ZFYVE16: variants seen among roughly 807,000 people sequenced by gnomAD.
ZFYVE16 encodes zinc finger FYVE domain-containing protein 16.
Under a neutral mutation model 138.1 loss-of-function variants are expected in ZFYVE16, and 89 were observed. That is an observed-to-expected ratio of 0.64 (90% CI 0.54 to 0.77). The LOEUF (loss-of-function observed/expected upper bound fraction) is 0.77. ZFYVE16 is among the 30% of genes least tolerant of loss of function. The pLI is 0.00. For missense variants in ZFYVE16, 1,793 were observed against 1,786.7 expected (o/e 1.00, Z -0.06); for synonymous variants, 596 against 618.3 (o/e 0.96, Z 0.53).
At position 80,437,235 on chromosome 5, in the gene ZFYVE16, ACTGT is replaced by A. The variant is rs771486054; in HGVS notation, c.552_555del (p.Val185GlufsTer24). ...TTCTTCAACAGACCATGATAGTGAT[ACTGT>A]CAGAGAACAACAGAATGATATCAGT... On this transcript the variant is annotated frameshift_variant, in exon 4 of 19. Coordinates refer to ENST00000505560, the MANE Select transcript of ZFYVE16 (RefSeq NM_001284236.3). LOFTEE classifies it high-confidence loss of function. 1.2e-6 allele frequency: 2 copies of A among 1,613,976 alleles called. No individual in the cohort carries two copies. Among genetic ancestry groups the A allele is most frequent in the South Asian group, 2.2e-5 (2 of 91,078 alleles).
intron 1 of ZFYVE16, among the ~76,000 whole-genome samples, chr5:80,426,428 G>C (rs1460060628): frequency 1.3e-5 from 2 of 151,762 alleles, no homozygotes; most frequent in East Asian, 3.9e-4. Context: ...TATTTATCCT[G>C]ATGCTCTCCC....
chr5:80,432,760 C>T (rs528977300), intron 2 of ZFYVE16, among the ~76,000 whole-genome samples: 6 of 152,272 alleles, frequency 3.9e-5, no homozygotes, highest in Non-Finnish European at 8.8e-5. Context: ...AAACCAACAA[C>T]CCCATCAACA....
intron 15 of ZFYVE16, among the ~76,000 whole-genome samples, chr5:80,462,572 T>C (rs1753241270): frequency 6.6e-6 from 1 of 152,114 alleles, no homozygotes; most frequent in African/African-American, 2.4e-5. Flanking sequence ...ACACAAAGCC[T>C]AACTATATCA....
chr5:80,443,913 G>A (rs1751007673), intron 6 of ZFYVE16: 1 of 450,984 alleles, frequency 2.2e-6, no homozygotes, highest in East Asian at 7.0e-5. Flanking sequence ...GGGTTTGAGA[G>A]GCAATAGGTA....
rs917676823 is a variant in ZFYVE16, at chr5:80,415,088, A to T, written c.-94+6935A>T. Among the ~76,000 whole-genome samples, 8 of 151,976 alleles carry T rather than the reference A, an allele frequency of 5.3e-5. 1 individual carries two copies. The highest frequency in any genetic ancestry group is 1.7e-4 in the African/African-American group (7 of 41,372). On this transcript the variant is annotated intron_variant, in intron 1 of 18. Transcript: ENST00000505560. The stretch of plus-strand genomic sequence containing the variant: ...TAGAATATTAAACCTCATTAGATTG[A>T]TTCTCTAATTTCTAATATTTTCTCT...
chr5:80,456,824 A>G (rs1752576039), intron 13 of ZFYVE16, 121 bp from the exon 14 acceptor site: 1 of 1,186,388 alleles, frequency 8.4e-7, no homozygotes, highest in East Asian at 2.7e-5. Flanking sequence ...TCACATTCCC[A>G]GGGAGCTGTC....
chr5:80,424,306 C>T (rs753940984), intron 1 of ZFYVE16, among the ~76,000 whole-genome samples: 7 of 152,114 alleles, frequency 4.6e-5, no homozygotes, highest in African/African-American at 7.2e-5. Context: ...AAGATTTCTG[C>T]GATCAGGTTC....
In ZFYVE16 at chr5:80,481,900, A is replaced by G. The variant is rs927915702; in HGVS notation, c.*4523A>G. Among the ~76,000 whole-genome samples, 2 of 152,120 alleles carry G rather than the reference A, an allele frequency of 1.3e-5. No homozygotes were observed. Among genetic ancestry groups the G allele is most frequent in the Admixed American group, 6.5e-5 (1 of 15,278 alleles). ...AGTGATACAATCTTGGCTCACTGCAACCTCCACCCCCAGGGTGCAAGTGAT... is the reference window on the plus strand; with the variant it reads ...AGTGATACAATCTTGGCTCACTGCAGCCTCCACCCCCAGGGTGCAAGTGAT... On this transcript the variant is annotated 3_prime_UTR_variant, in exon 19 of 19. Transcript: ENST00000505560.
chr5:80,445,762 C>CT (rs57916591), intron 7 of ZFYVE16, among the ~76,000 whole-genome samples: 14 of 147,214 alleles, frequency 9.5e-5, no homozygotes, highest in African/African-American at 3.2e-4. Flanking sequence ...TTTTTAATTA[C>CT]TTTTTTTTTT....
Position 80,439,918 on chromosome 5 carries a change from A to G in ZFYVE16, c.2323-18A>G, listed in dbSNP as rs1399186495. On this transcript the variant is annotated intron_variant, in intron 4 of 18. Transcript: ENST00000505560. ...TATTCTTGAAACAAAGACAAATTTG[A>G]TATTTTATTCTTTATAGGTATTTTG... is the stretch of plus-strand genomic sequence containing the variant. 2 of 1,590,162 alleles carry G rather than the reference A, an allele frequency of 1.3e-6. No individual in the cohort carries two copies. The highest frequency in any genetic ancestry group is 1.3e-5 in the African/African-American group (1 of 74,138).
chr5:80,446,983 C>T (rs1479209757), intron 7 of ZFYVE16, among the ~76,000 whole-genome samples: 1 of 152,074 alleles, frequency 6.6e-6, no homozygotes, highest in Non-Finnish European at 1.5e-5. Context: ...GATACTAGGC[C>T]TGGCGCGGTG....
intron 1 of ZFYVE16, among the ~76,000 whole-genome samples, chr5:80,419,334 T>A (rs1324361535): frequency 1.3e-5 from 2 of 152,146 alleles, no homozygotes; most frequent in African/African-American, 4.8e-5. Flanking sequence ...TGCCTCTGCC[T>A]CCCAAGTGCT....
At chr5:80,443,519 A>G (rs1436590499) in intron 6 of ZFYVE16, among the ~76,000 whole-genome samples, 1 of 152,194 alleles carries the variant, frequency 6.6e-6, no homozygotes, top group African/African-American at 2.4e-5. Flanking sequence ...GTTTGGGGCT[A>G]CAAAAGGGGA....
intron 15 of ZFYVE16, among the ~76,000 whole-genome samples, chr5:80,467,001 T>C (rs1753816827): frequency 6.6e-6 from 1 of 152,126 alleles, no homozygotes; most frequent in South Asian, 2.1e-4. Flanking sequence ...GGGTTGGAGC[T>C]CCTTCAAAAA....
chr5:80,456,848 GATAATTA>G, intron 13 of ZFYVE16, 90 bp from the exon 14 acceptor site: 1 of 1,374,398 alleles, frequency 7.3e-7, no homozygotes, highest in South Asian at 1.6e-5. Flanking sequence ...ACCGAAGCTT[GATAATTA>G]TGAAGCTGGC....
intron 1 of ZFYVE16, among the ~76,000 whole-genome samples, chr5:80,408,956 G>C (rs1054325333): frequency 7.0e-6 from 1 of 143,508 alleles, no homozygotes; most frequent in African/African-American, 2.5e-5. Flanking sequence ...TAATCCAGTA[G>C]AACTATATAT....
intron 2 of ZFYVE16, among the ~76,000 whole-genome samples, chr5:80,433,263 G>A (rs371329645): frequency 3.3e-5 from 5 of 152,114 alleles, no homozygotes; most frequent in Admixed American, 2.6e-4. Flanking sequence ...AGCCATAAAA[G>A]AGGATGAGTT....
chr5:80,438,248 C>T lies in ZFYVE16; in HGVS notation c.1563C>T (p.Gly521=), dbSNP rs201950940. The change falls in exon 4 of 19, where the codon GGC becomes GGT. Residue 521 remains glycine (G), a synonymous_variant. Coordinates refer to ENST00000505560, the MANE Select transcript of ZFYVE16 (RefSeq NM_001284236.3). ...TAGATTACTTTAATATTGATGAAGGCGCAAAAAGTGGCCCACTAATTAGTG... is the reference window on the plus strand; with the variant it reads ...TAGATTACTTTAATATTGATGAAGGTGCAAAAAGTGGCCCACTAATTAGTG... ...QDLDYFNIDE[G]AKSGPLISDA... The T allele has an allele frequency of 9.7e-5, 157 of 1,613,908 alleles. No homozygotes were observed. Among genetic ancestry groups the T allele is most frequent in the Admixed American group, 2.2e-4 (13 of 59,984 alleles).
intron 1 of ZFYVE16, among the ~76,000 whole-genome samples, chr5:80,413,635 C>T (rs1745788451): frequency 6.6e-6 from 1 of 152,008 alleles, no homozygotes; most frequent in Admixed American, 6.6e-5. Context: ...CTTAATTCTC[C>T]CAAAGAGGGT....
Sources: gnomAD v4.1 joint callset for allele counts (sites outside exome capture counted in the v4.1 genomes callset) on GRCh38, gnomAD v4.1.1 for gene constraint, MANE v1.5 for transcripts, NCBI Gene and HGNC (gene_info 2026-07-23, HGNC 2026-07-21) for gene names.